Variants in ADCYAP1 observed in about 807,000 individuals in gnomAD.
ADCYAP1 encodes adenylate cyclase activating polypeptide 1.
Under a neutral mutation model 18.5 loss-of-function variants are expected in ADCYAP1, and 6 were observed. That is an observed-to-expected ratio of 0.32 (90% CI 0.18 to 0.64). ADCYAP1 has a LOEUF of 0.64. Among genes scored for constraint, ADCYAP1 ranks in the 30% least tolerant of loss-of-function variants. The pLI is 0.77. For synonymous variants in ADCYAP1, 136 were observed against 113.9 expected, an observed-to-expected ratio of 1.19 and a Z score of -1.24; for missense variants, 314 against 253.6, an observed-to-expected ratio of 1.24 and a Z score of -1.62.
chr18:907,561 C>A, intron 2 of ADCYAP1, 98 bp from the exon 3 acceptor site: 1 of 1,275,212 alleles, frequency 7.8e-7, no homozygotes. Flanking sequence ...GGACTTTTAT[C>A]ACCTGTGAAA....
chr18:907,837 A>G, intron 3 of ADCYAP1, 47 bp downstream of exon 3: 1 of 1,415,764 alleles, frequency 7.1e-7, no homozygotes, highest in Non-Finnish European at 9.1e-7. Context: ...GGAGCTCGGG[A>G]CTGCGGTGAC....
rs766699933 is a variant in ADCYAP1 at position 907,740 on chromosome 18, C to T, written c.192C>T (p.Pro64=). The change falls in exon 3 of 5, where the codon CCC becomes CCT. Residue 64 remains proline (P), a synonymous_variant. Coordinates refer to ENST00000450565, the MANE Select transcript of ADCYAP1 (RefSeq NM_001099733.2). The part of the protein sequence containing the change: ...DGSEPPGAGS[P]ASAPRAAAAW... Reference sequence around the variant, plus strand: ...CGGAGCCGCCGGGCGCAGGGAGCCCCGCCTCCGCGCCGCGCGCCGCCGCCG... The same window carrying T: ...CGGAGCCGCCGGGCGCAGGGAGCCCTGCCTCCGCGCCGCGCGCCGCCGCCG... 6.6e-7 allele frequency: 1 copy of T among 1,513,128 alleles called. No individual in the cohort carries two copies. The highest frequency in any genetic ancestry group is 2.1e-5 in the Admixed American group (1 of 46,770). 93.7% of individuals were successfully genotyped at this position (1,513,128 alleles called of 1,614,324 possible). A position where few individuals can be genotyped will look rare whatever the true frequency, so the allele number is the denominator to read the frequency against.
chr18:908,358 C>A lies in ADCYAP1; in HGVS notation c.336C>A (p.Gly112=), dbSNP rs1025344813. The A allele has an allele frequency of 1.2e-6, 2 of 1,612,234 alleles. No individual in the cohort carries two copies. The highest frequency in any genetic ancestry group is 2.7e-5 in the African/African-American group (2 of 74,842). Residue 112 remains glycine, a synonymous_variant, in exon 4 of 5, where the codon GGC becomes GGA. Coordinates refer to ENST00000450565, the MANE Select transcript of ADCYAP1 (RefSeq NM_001099733.2). ...GKHLQSLVAR[G]VGGSLGGGAG... is the part of the protein sequence containing the mutation. ...ACCTGCAGTCGCTCGTGGCCCGGGGCGTGGGGTAAGAGTTTGTGGAAGGAT... is the reference window on the plus strand; with the variant it reads ...ACCTGCAGTCGCTCGTGGCCCGGGGAGTGGGGTAAGAGTTTGTGGAAGGAT...
intron 3 of ADCYAP1, 141 bp downstream of exon 3, chr18:907,931 C>T: frequency 3.0e-6 from 4 of 1,331,872 alleles, no homozygotes; most frequent in East Asian, 2.9e-5. Flanking sequence ...CTGGCCCGAT[C>T]CTATTGCAGC....
chr18:911,488 G>A lies in ADCYAP1; in HGVS notation c.*1853G>A, dbSNP rs1355966301. 3 of 151,746 alleles carry A rather than the reference G, an allele frequency of 2.0e-5. No homozygotes were observed. Among genetic ancestry groups the A allele is most frequent in the Admixed American group, 6.6e-5 (1 of 15,228 alleles). 9.4% of individuals were successfully genotyped at this position (151,746 alleles called of 1,614,324 possible). A position where few individuals can be genotyped will look rare whatever the true frequency, so the allele number is the denominator to read the frequency against. Reference sequence around the variant, plus strand: ...TAAAGGACCTTTCCTTTTCCTTTACGGATTTGATCAGTATGAAGTCATAAA... The same window carrying A: ...TAAAGGACCTTTCCTTTTCCTTTACAGATTTGATCAGTATGAAGTCATAAA... On this transcript the variant is annotated 3_prime_UTR_variant, in exon 5 of 5. Transcript: ENST00000450565.
At chr18:905,113 T>C (rs1909111182) in intron 1 of ADCYAP1, 53 bp downstream of exon 1, 3 of 1,356,658 alleles carry the variant, frequency 2.2e-6, no homozygotes, top group Admixed American at 2.9e-5. Flanking sequence ...CTGCTGATTC[T>C]TTCGCTTGGC....
At chr18:905,242 A>AC in intron 1 of ADCYAP1, 144 bp from the exon 2 acceptor site, 1 of 1,474,724 alleles carries the variant, frequency 6.8e-7, no homozygotes, top group Non-Finnish European at 8.9e-7. Flanking sequence ...CAGGGCGCGC[A>AC]CCGGCTGTCG....
At chr18:907,625 C>T (rs373278161) in intron 2 of ADCYAP1, 34 bp from the exon 3 acceptor site, 3 of 1,572,400 alleles carry the variant, frequency 1.9e-6, no homozygotes, top group African/African-American at 2.8e-5. Flanking sequence ...GGAACTTGCA[C>T]TGACCACACC....
At position 905,515 on chromosome 18, in the gene ADCYAP1, G is replaced by A. The variant is rs773871169; in HGVS notation, c.110+19G>A. 33 of 1,602,658 alleles carry A rather than the reference G, an allele frequency of 2.1e-5. 1 individual carries two copies. In the South Asian group the frequency reaches 2.7e-4, roughly 13 times the overall value. ...GGATCAGGTAGGTGCTGGCTGCCTG[G>A]CCCAAGCAGGAGCTGGGGCTTCCCA... On this transcript the variant is annotated intron_variant, in intron 2 of 4. Transcript: ENST00000450565.
At position 908,250 on chromosome 18, in the gene ADCYAP1, TTGCCTCCCC is replaced by T; in HGVS notation, c.243-14_243-6del. On this transcript the variant is annotated splice_polypyrimidine_tract_variant and splice_region_variant and intron_variant, in intron 3 of 4. Coordinates refer to ENST00000450565, the MANE Select transcript of ADCYAP1 (RefSeq NM_001099733.2). ...GAAACAGTGACCCTGGGCGCGCACT[TTGCCTCCCC>T]GTTAGAGATGTCGCCCACGGGATCC... is the stretch of plus-strand genomic sequence containing the variant. The T allele has an allele frequency of 6.2e-7, 1 of 1,606,136 alleles. No homozygotes were observed. Among genetic ancestry groups the T allele is most frequent in the Non-Finnish European group, 8.5e-7 (1 of 1,175,078 alleles).
chr18:905,538 C>G (rs757684819), intron 2 of ADCYAP1, 42 bp downstream of exon 2: 3 of 1,595,470 alleles, frequency 1.9e-6, no homozygotes, highest in South Asian at 1.1e-5. Context: ...CTGGGGCTTC[C>G]CAGGCACAGA....
chr18:907,436 C>A (rs1210672065), intron 2 of ADCYAP1: 2 of 436,162 alleles, frequency 4.6e-6, no homozygotes, highest in Admixed American at 1.1e-4. Flanking sequence ...ACCCTTTACC[C>A]GCGAAGGGGG....
chr18:905,602 GC>G, intron 2 of ADCYAP1, 106 bp downstream of exon 2: 2 of 1,278,752 alleles, frequency 1.6e-6, no homozygotes, highest in Non-Finnish European at 2.1e-6. Flanking sequence ...TACTAGCATC[GC>G]CCTCTGCGCC....
intron 2 of ADCYAP1, 156 bp from the exon 3 acceptor site, chr18:907,503 C>A: frequency 1.3e-6 from 1 of 792,348 alleles, no homozygotes; most frequent in Non-Finnish European, 1.9e-6. Context: ...CTCCTCCTTA[C>A]CTCTGCTCCC....
chr18:905,181 G>T (rs1909113843), intron 1 of ADCYAP1, 121 bp downstream of exon 1: 2 of 1,417,066 alleles, frequency 1.4e-6, no homozygotes, highest in East Asian at 5.2e-5. Context: ...TTGGGCGCCG[G>T]GTAGATGCAT....
intron 3 of ADCYAP1, 93 bp downstream of exon 3, chr18:907,883 T>TG: frequency 7.2e-7 from 1 of 1,386,268 alleles, no homozygotes; most frequent in Non-Finnish European, 9.3e-7. Context: ...CAGGATTTTT[T>TG]TTTTTTTCCC....
chr18:905,646 G>A lies in ADCYAP1; in HGVS notation c.110+150G>A, dbSNP rs1909140405. On this transcript the variant is annotated intron_variant, in intron 2 of 4. Transcript: ENST00000450565. ...CGCCTCCGCCAGCCTCGGCTGGACA[G>A]CGGGTCCCCATTCTAGCCGAGGGTC... 5.3e-6 allele frequency: 5 copies of A among 945,654 alleles called. No homozygotes were observed. In the Admixed American group the frequency reaches 8.0e-5, roughly 15 times the overall value. 58.6% of individuals were successfully genotyped at this position (945,654 alleles called of 1,614,324 possible). A position where few individuals can be genotyped will look rare whatever the true frequency, so the allele number is the denominator to read the frequency against.
intron 4 of ADCYAP1, 47 bp from the exon 5 acceptor site, chr18:909,399 C>G: frequency 5.1e-6 from 8 of 1,571,898 alleles, no homozygotes; most frequent in Non-Finnish European, 6.9e-6. Context: ...GCGATTGAAC[C>G]TGTGTCTCCC....
At chr18:907,508 G>C (rs1909213490) in intron 2 of ADCYAP1, 151 bp from the exon 3 acceptor site, 7 of 831,688 alleles carry the variant, frequency 8.4e-6, no homozygotes, top group Non-Finnish European at 1.0e-5. Context: ...CCTTACCTCT[G>C]CTCCCACCCC....
Sources: gnomAD v4.1 joint callset for allele counts on GRCh38, gnomAD v4.1.1 for gene constraint, MANE v1.5 for transcripts, NCBI Gene and HGNC (gene_info 2026-07-23, HGNC 2026-07-21) for gene names.